ASRGL1: variants seen among roughly 807,000 people sequenced by gnomAD.
ASRGL1 encodes the protein isoaspartyl peptidase/L-asparaginase.
Under a neutral mutation model 22.4 loss-of-function variants are expected in ASRGL1, and 16 were observed. The ratio of observed to expected loss-of-function variants is 0.71; its 90% CI spans 0.48 to 1.08. ASRGL1 has a LOEUF of 1.08. ASRGL1 is among the 50% of genes least tolerant of loss of function. The pLI, the probability that ASRGL1 is intolerant of heterozygous loss-of-function variation, is 0.00. For synonymous variants in ASRGL1, 165 were observed against 159.3 expected (o/e 1.04, Z -0.27); for missense variants, 412 against 410.1 (o/e 1.00, Z -0.04).
chr11:62,393,698 C>G (rs72923263), downstream of ASRGL1, among the ~76,000 whole-genome samples: 11,935 of 152,176 alleles, frequency 0.078, 593 homozygotes, highest in Non-Finnish European at 0.12. Flanking sequence ...AACAACTCCC[C>G]CTTTAGAAAC....
downstream of ASRGL1, among the ~76,000 whole-genome samples, chr11:62,395,244 T>C (rs1947417525): frequency 6.6e-6 from 1 of 152,198 alleles, no homozygotes; most frequent in South Asian, 2.1e-4. Context: ...CGCTGCCAGA[T>C]GCCGGATGCC....
intron 4 of ASRGL1, among the ~76,000 whole-genome samples, chr11:62,362,461 T>TATATA (rs1946457421): frequency 3.0e-5 from 3 of 101,224 alleles, no homozygotes; most frequent in South Asian, 3.1e-4. Context: ...ACCAAAAATA[T>TATATA]ATATATATTA....
chr11:62,344,960 G>C (rs1945977326), intron 2 of ASRGL1, among the ~76,000 whole-genome samples: 1 of 152,120 alleles, frequency 6.6e-6, no homozygotes, highest in South Asian at 2.1e-4. Flanking sequence ...AAATAAGTGA[G>C]AACATGTGAA....
intron 2 of ASRGL1, among the ~76,000 whole-genome samples, chr11:62,351,092 T>C (rs1381386564): frequency 2.0e-5 from 3 of 152,216 alleles, no homozygotes; most frequent in Non-Finnish European, 4.4e-5. Flanking sequence ...ATGTAACTTA[T>C]CACAGTCTAA....
chr11:62,349,170 T>C (rs1946110420), intron 2 of ASRGL1, among the ~76,000 whole-genome samples: 1 of 152,114 alleles, frequency 6.6e-6, no homozygotes, highest in South Asian at 2.1e-4. Flanking sequence ...GGTTTCACCA[T>C]GTTGGCCAGG....
rs1042012820 is a variant in ASRGL1 at position 62,361,484 on chromosome 11, T to A, written c.491+4340T>A. ...GGTGAGCCACCAAACCTGGCCAATT[T>A]TTTTTTTTTTTTTTTTTTTTTTGAG... On this transcript the variant is annotated intron_variant, in intron 4 of 6. Transcript: ENST00000415229. Among the ~76,000 whole-genome samples, 402 of 78,744 alleles carry A rather than the reference T, an allele frequency of 5.1e-3. 11 individuals carry two copies. In the South Asian group the frequency reaches 0.073, roughly 14 times the overall value. 51.7% of individuals were successfully genotyped at this position (78,744 alleles called of 152,430 possible).
At chr11:62,397,907 T>C (rs906172099), downstream of ASRGL1, among the ~76,000 whole-genome samples, 1 of 152,178 alleles carries the variant, frequency 6.6e-6, no homozygotes, top group Non-Finnish European at 1.5e-5. Context: ...TCAAAAATTG[T>C]CTTTTTAGCA....
chr11:62,354,288 TG>T (rs1204311261), intron 2 of ASRGL1, among the ~76,000 whole-genome samples: 1 of 152,206 alleles, frequency 6.6e-6, no homozygotes, highest in Non-Finnish European at 1.5e-5. Flanking sequence ...CAGAGACACG[TG>T]GGCTCCTAGT....
At chr11:62,389,075 G>A (rs1947277851) in intron 4 of ASRGL1, 58 bp from the exon 5 acceptor site, 2 of 1,433,806 alleles carry the variant, frequency 1.4e-6, no homozygotes, top group Non-Finnish European at 2.0e-6. Flanking sequence ...TACATTGTTG[G>A]TTATGGTGTT....
chr11:62,378,108 C>T (rs1407118135), intron 4 of ASRGL1, among the ~76,000 whole-genome samples: 2 of 152,114 alleles, frequency 1.3e-5, no homozygotes, highest in African/African-American at 4.8e-5. Context: ...TTGGCCGAAT[C>T]CAATTAATAT....
Position 62,345,276 on chromosome 11 carries a change from G to T in ASRGL1, c.190+7109G>T, listed in dbSNP as rs115268180. Among the ~76,000 whole-genome samples the T allele has an allele frequency of 4.6e-3, 700 of 152,154 alleles. 11 individuals are homozygous for T. The highest frequency in any genetic ancestry group is 0.016 in the African/African-American group (671 of 41,512). ...ATGGTAGCTGTATTCTTAGATTTTT[G>T]AGGAACTCAGGGTTGTTTTTTGTTT... is the stretch of plus-strand genomic sequence containing the variant. On this transcript the variant is annotated intron_variant, in intron 2 of 6. Coordinates refer to ENST00000415229, the MANE Select transcript of ASRGL1 (RefSeq NM_001083926.2).
intron 4 of ASRGL1, among the ~76,000 whole-genome samples, chr11:62,386,367 A>G (rs1466920071): frequency 7.0e-5 from 5 of 71,892 alleles, no homozygotes; most frequent in African/African-American, 1.6e-4. Context: ...AACTTTTACT[A>G]TAGTATATTG....
In ASRGL1 at chr11:62,338,002, G is replaced by C. The variant is rs1410669146; in HGVS notation, c.25G>C (p.Gly9Arg). The C allele has an allele frequency of 6.2e-7, 1 of 1,603,452 alleles. No homozygotes were observed. Among genetic ancestry groups the C allele is most frequent in the Non-Finnish European group, 8.5e-7 (1 of 1,175,510 alleles). ...CATGAATCCCATCGTAGTGGTCCAC[G>C]GCGGCGGAGCCGGTCCCATCTCCAA... MNPIVVVH[G>R]GGAGPISKDR... is the part of the protein sequence containing the mutation. Residue 9 changes from glycine to arginine, a missense_variant, in exon 2 of 7, where the codon GGC (glycine) becomes CGC (arginine). Physicochemically the swap from Gly to Arg is moderately radical, Grantham distance 125. Coordinates refer to ENST00000415229, the MANE Select transcript of ASRGL1 (RefSeq NM_001083926.2).
rs943393053 is a variant in ASRGL1 at position 62,337,513 on chromosome 11, C to T, written c.-150C>T. ...GGCGTCGGGGAGCGGCGGTACCGGG[C>T]GGCTGCGGGGCTGGCTCGACCCAGC... On this transcript the variant is annotated 5_prime_UTR_variant, in exon 1 of 7. Coordinates refer to ENST00000415229, the MANE Select transcript of ASRGL1 (RefSeq NM_001083926.2). 6.3e-5 allele frequency: 10 copies of T among 158,112 alleles called. No individual in the cohort carries two copies. The highest frequency in any genetic ancestry group is 3.5e-4 in the South Asian group (2 of 5,676). 9.8% of individuals were successfully genotyped at this position (158,112 alleles called of 1,614,324 possible). A position where few individuals can be genotyped will look rare whatever the true frequency, so the allele number is the denominator to read the frequency against.
chr11:62,375,459 T>C (rs1315874476), intron 4 of ASRGL1, among the ~76,000 whole-genome samples: 1,799 of 111,540 alleles, frequency 0.016, 139 homozygotes, highest in African/African-American at 0.057. Flanking sequence ...TATATATATA[T>C]ATATATATAT....
intron 4 of ASRGL1, among the ~76,000 whole-genome samples, chr11:62,361,875 AAAAC>A (rs935224106): frequency 2.6e-5 from 4 of 152,184 alleles, no homozygotes; most frequent in African/African-American, 7.2e-5. Flanking sequence ...TGCTTGAAGA[AAAAC>A]AAGCCTAAAT....
chr11:62,392,501 C>A lies in ASRGL1; in HGVS notation c.*217C>A. 1 of 588,190 alleles carries A rather than the reference C, an allele frequency of 1.7e-6. No individual in the cohort carries two copies. Among genetic ancestry groups the A allele is most frequent in the Non-Finnish European group, 3.0e-6 (1 of 335,924 alleles). The allele number at this position is 588,190 out of a possible 1,614,324, so 36.4% of individuals were successfully genotyped here. On this transcript the variant is annotated 3_prime_UTR_variant, in exon 7 of 7. Transcript: ENST00000415229. Reference sequence around the variant, plus strand: ...GGAGGATTACTTGAGCCCAGGAGGTCAAAGCTGAGGTGAGCCATGATTACT... The same window carrying A: ...GGAGGATTACTTGAGCCCAGGAGGTAAAAGCTGAGGTGAGCCATGATTACT...
Position 62,392,270 on chromosome 11 carries a change from A to C in ASRGL1, c.913A>C (p.Thr305Pro). The C allele has an allele frequency of 6.2e-7, 1 of 1,613,714 alleles. No homozygotes were observed. The highest frequency in any genetic ancestry group is 8.5e-7 in the Non-Finnish European group (1 of 1,180,032). The part of the protein sequence containing the change: ...FGIDPDDTTI[T>P]DLP ...AATTGATCCTGACGATACTACTATC[A>C]CCGACCTTCCCTAAGCCGCTGGAAG... Residue 305 changes from threonine (T) to proline (P), a missense_variant, in exon 7 of 7, where the codon ACC becomes CCC. By Grantham distance (38) the Thr-to-Pro change is conservative. Transcript: ENST00000415229.
chr11:62,394,088 T>C (rs1035764204), downstream of ASRGL1, among the ~76,000 whole-genome samples: 12 of 142,808 alleles, frequency 8.4e-5, no homozygotes, highest in South Asian at 8.4e-4. Flanking sequence ...TTATAATTTA[T>C]ACAATATATA....
Sources: allele counts gnomAD v4.1 joint callset (sites outside exome capture counted in the v4.1 genomes callset), GRCh38; gene constraint gnomAD v4.1.1; transcripts MANE v1.5; gene names NCBI Gene and HGNC (gene_info 2026-07-23, HGNC 2026-07-21).